Variants in DOP1B observed in about 807,000 individuals in gnomAD.
The protein encoded by DOP1B is DOP1 leucine zipper like protein B.
DOP1B carries 174 observed loss-of-function variants against 233.5 expected under a neutral mutation model. The observed-to-expected ratio is 0.75, with a 90% confidence interval of 0.66 to 0.85. The LOEUF (loss-of-function observed/expected upper bound fraction) is 0.85, where lower values mean the gene tolerates loss of function less well. DOP1B is among the 40% of genes least tolerant of loss of function. The pLI, the probability that DOP1B is intolerant of heterozygous loss-of-function variation, is 0.00. For synonymous variants in DOP1B, 1,190 were observed against 1,185.6 expected (o/e 1.00, Z -0.08); for missense variants, 2,652 against 2,846.6 (o/e 0.93, Z 1.56).
At chr21:36,223,829 A>G (rs558106953) in intron 11 of DOP1B, among the ~76,000 whole-genome samples, 6 of 152,226 alleles carry the variant, frequency 3.9e-5, no homozygotes, top group South Asian at 2.1e-4. Flanking sequence ...CCACCCCTAA[A>G]TTGTTTGCAG....
intron 2 of DOP1B, among the ~76,000 whole-genome samples, chr21:36,181,285 T>C (rs1479661198): frequency 6.6e-6 from 1 of 151,270 alleles, no homozygotes; most frequent in Non-Finnish European, 1.5e-5. Context: ...CTGTCTTCTT[T>C]TTTTTTTTTT....
At position 36,245,729 on chromosome 21, in the gene DOP1B, T is replaced by C; in HGVS notation, c.3749T>C (p.Val1250Ala). The C allele has an allele frequency of 2.5e-6, 4 of 1,613,858 alleles. No individual in the cohort carries two copies. Among genetic ancestry groups the C allele is most frequent in the Non-Finnish European group, 3.4e-6 (4 of 1,179,984 alleles). ...VLYAFSVLEA[V>A]LKTNPKEFIE... is the part of the protein sequence containing the mutation. The stretch of plus-strand genomic sequence containing the variant: ...TATGCCTTCTCGGTGCTGGAGGCTG[T>C]GCTCAAAACCAACCCTAAGGAATTC... The change falls in exon 19 of 37, where the codon GTG becomes GCG. Residue 1250 changes from valine (V) to alanine (A), a missense_variant. Physicochemically the swap from Val to Ala is moderately conservative, Grantham distance 64 (BLOSUM62 0). Transcript: ENST00000691173. This position sits in a 1 kb window ranked among gnomAD's most constrained non-coding sequence, Gnocchi z 5.5.
chr21:36,267,216 A>G (rs955618417), intron 26 of DOP1B, among the ~76,000 whole-genome samples: 7 of 152,222 alleles, frequency 4.6e-5, no homozygotes, highest in African/African-American at 1.4e-4. Flanking sequence ...TTTACTGATC[A>G]TACTCCTGAG....
rs532604790 is a variant in DOP1B at position 36,247,570 on chromosome 21, A to G, written c.4751A>G (p.Glu1584Gly). ...ISPDYPLTLL[E>G]GLTTISHFCL... ...CCAGATTATCCACTCACCCTTCTAG[A>G]AGGTCTAACGACCATTAGTCATTTT... Residue 1584 changes from glutamate (E) to glycine (G), a missense_variant, in exon 20 of 37, where the codon GAA (glutamate) becomes GGA (glycine). Transcript: ENST00000691173. 2.8e-5 allele frequency: 45 copies of G among 1,611,312 alleles called. 2 individuals carry two copies. The South Asian group carries it at 3.4e-4, about 12-fold the overall frequency.
chr21:36,166,451 T>C (rs1308194609), intron 2 of DOP1B, among the ~76,000 whole-genome samples: 1 of 151,498 alleles, frequency 6.6e-6, no homozygotes, highest in Non-Finnish European at 1.5e-5. Flanking sequence ...AAAAAAAAAT[T>C]GTCTTCCACG....
intron 2 of DOP1B, chr21:36,169,268 G>A (rs1018660615): frequency 2.2e-5 from 18 of 832,724 alleles, no homozygotes; most frequent in South Asian, 8.1e-5. Context: ...GTCATAGTCC[G>A]TGGAGGCATT....
At chr21:36,248,689 A>T in intron 21 of DOP1B, 121 bp downstream of exon 21, 1 of 970,852 alleles carries the variant, frequency 1.0e-6, no homozygotes, top group Admixed American at 3.6e-5. Context: ...CAAGTCAGAG[A>T]TCAGAAGTAG....
At chr21:36,210,504 G>C (rs982775154) in intron 5 of DOP1B, among the ~76,000 whole-genome samples, 1 of 152,144 alleles carries the variant, frequency 6.6e-6, no homozygotes, top group African/African-American at 2.4e-5. Flanking sequence ...AATGAGCTGG[G>C]TGTGGTGATG....
At chr21:36,248,851 T>A (rs2066999787) in intron 21 of DOP1B, among the ~76,000 whole-genome samples, 1 of 152,176 alleles carries the variant, frequency 6.6e-6, no homozygotes, top group Non-Finnish European at 1.5e-5. Flanking sequence ...ACACCTGTAA[T>A]CCCAGCACTT....
intron 2 of DOP1B, among the ~76,000 whole-genome samples, chr21:36,181,329 A>AGT (rs2066095935): frequency 1.3e-5 from 2 of 151,610 alleles, no homozygotes; most frequent in Non-Finnish European, 2.9e-5. Flanking sequence ...GTCAGGCTAG[A>AGT]GTGCAGTGGC....
At chr21:36,259,365 G>C (rs1468668954) in intron 23 of DOP1B, among the ~76,000 whole-genome samples, 2 of 151,680 alleles carry the variant, frequency 1.3e-5, no homozygotes, top group African/African-American at 4.9e-5. Flanking sequence ...CTGCCTCCTG[G>C]GTTCAAGCAA....
chr21:36,267,215 C>T (rs1214181379), intron 26 of DOP1B, among the ~76,000 whole-genome samples: 1 of 152,226 alleles, frequency 6.6e-6, no homozygotes, highest in Non-Finnish European at 1.5e-5. Context: ...CTTTACTGAT[C>T]ATACTCCTGA....
intron 26 of DOP1B, 144 bp from the exon 27 acceptor site, chr21:36,269,869 A>G (rs1601467772): frequency 1.3e-6 from 1 of 796,310 alleles, no homozygotes; most frequent in Non-Finnish European, 2.0e-6. Context: ...TTTTACCTTC[A>G]ATGTGGCTCC....
In DOP1B at chr21:36,276,413, C is replaced by T. The variant is rs144155951; in HGVS notation, c.5633-608C>T. Among the ~76,000 whole-genome samples the T allele has an allele frequency of 1.7e-4, 26 of 152,102 alleles. No individual in the cohort carries two copies. In the East Asian group the frequency reaches 3.3e-3, roughly 19 times the overall value. On this transcript the variant is annotated intron_variant, in intron 27 of 36. Transcript: ENST00000691173. ...GGGCGTGGTGATGTGTGCCTGTGCC[C>T]CCAGCTACTCGGGAGGCTAAGGCAG... is the stretch of plus-strand genomic sequence containing the variant.
At position 36,239,962 on chromosome 21, in the gene DOP1B, A is replaced by C; in HGVS notation, c.3067+7A>C. ...AAGCAGGAGAACTCGGCCGGTGAGC[A>C]GCCTGCACAGGACCCGAGGGTGAGG... On this transcript the variant is annotated splice_region_variant and intron_variant, in intron 18 of 36. Coordinates refer to ENST00000691173, the MANE Select transcript of DOP1B (RefSeq NM_001320714.2). 6.2e-7 allele frequency: 1 copy of C among 1,606,420 alleles called. No homozygotes were observed. Among genetic ancestry groups the C allele is most frequent in the Non-Finnish European group, 8.5e-7 (1 of 1,177,426 alleles).
At chr21:36,177,739 G>A (rs2066048616) in intron 2 of DOP1B, among the ~76,000 whole-genome samples, 1 of 152,158 alleles carries the variant, frequency 6.6e-6, no homozygotes, top group Admixed American at 6.6e-5. Flanking sequence ...CTTGCCATGT[G>A]ATATCCCACA....
At chr21:36,213,947 C>CT in intron 7 of DOP1B, 134 bp from the exon 8 acceptor site, 2 of 692,596 alleles carry the variant, frequency 2.9e-6, no homozygotes, top group Non-Finnish European at 4.9e-6. Context: ...CTGACGTGGT[C>CT]TTTCTGGATC....
intron 27 of DOP1B, among the ~76,000 whole-genome samples, chr21:36,271,027 CAT>C (rs1432366037): frequency 2.7e-5 from 4 of 149,286 alleles, no homozygotes; most frequent in Non-Finnish European, 4.4e-5. Flanking sequence ...AAAAAGAAAA[CAT>C]ATATCAAAAC....
chr21:36,226,860 C>G (rs571889320), intron 12 of DOP1B, among the ~76,000 whole-genome samples: 10 of 152,248 alleles, frequency 6.6e-5, no homozygotes, highest in African/African-American at 2.2e-4. Context: ...TCCCAAGGTG[C>G]TGGCTGGGAT....
Sources: allele counts gnomAD v4.1 joint callset (sites outside exome capture counted in the v4.1 genomes callset), GRCh38; gene constraint gnomAD v4.1.1; non-coding constraint Gnocchi (gnomAD v3.1); transcripts MANE v1.5; gene names NCBI Gene and HGNC (gene_info 2026-07-23, HGNC 2026-07-21).